The following PCBP3 variants were observed in gnomAD, a reference collection of about 807,000 sequenced individuals.
PCBP3 encodes poly(rC)-binding protein 3.
Under a neutral mutation model 52.7 loss-of-function variants are expected in PCBP3, and 25 were observed. The observed-to-expected ratio is 0.47, with a 90% CI of 0.35 to 0.66. The LOEUF (loss-of-function observed/expected upper bound fraction) is 0.66, where lower values mean the gene tolerates loss of function less well. PCBP3 is among the 30% of genes least tolerant of loss of function. The pLI, the probability that PCBP3 is intolerant of heterozygous loss-of-function variation, is 0.01. For missense variants in PCBP3, 391 were observed against 490.3 expected, an observed-to-expected ratio of 0.80 and a Z score of 1.91; for synonymous variants, 162 against 183.0, an observed-to-expected ratio of 0.89 and a Z score of 0.93.
chr21:45,859,834 G>A (rs944325514), intron 5 of PCBP3: 15 of 152,382 alleles, frequency 9.8e-5, no homozygotes, highest in African/African-American at 3.6e-4. Flanking sequence ...GTCAGCTGAG[G>A]AAGCAGGGCA....
chr21:45,646,083 TTC>T (rs1164554233), intron 1 of PCBP3, among the ~76,000 whole-genome samples: 26 of 99,614 alleles, frequency 2.6e-4, no homozygotes, highest in African/African-American at 8.1e-4. Flanking sequence ...CTCTCTCTCT[TTC>T]TCTCTCTCTC....
At chr21:45,683,905 G>A (rs969941567) in intron 2 of PCBP3, among the ~76,000 whole-genome samples, 4 of 151,416 alleles carry the variant, frequency 2.6e-5, no homozygotes, top group African/African-American at 4.9e-5. Context: ...CAGCCTGGGC[G>A]ACAGCGAGAC....
chr21:45,840,276 C>A (rs142007316), intron 4 of PCBP3, among the ~76,000 whole-genome samples: 2,846 of 151,248 alleles, frequency 0.019, 86 homozygotes, highest in African/African-American at 0.065. Flanking sequence ...CATGGTGAAA[C>A]CCTGTCTCTA....
intron 4 of PCBP3, among the ~76,000 whole-genome samples, chr21:45,812,396 C>T (rs2092707653): frequency 6.6e-6 from 1 of 152,148 alleles, no homozygotes; most frequent in Non-Finnish European, 1.5e-5. Context: ...TGAAAATTTT[C>T]CCTTAACATT....
intron 2 of PCBP3, among the ~76,000 whole-genome samples, chr21:45,686,207 C>T (rs986778416): frequency 3.3e-5 from 5 of 152,108 alleles, no homozygotes; most frequent in East Asian, 1.9e-4. Context: ...TGTGAACCAC[C>T]GTGCCTGGCC....
intron 5 of PCBP3, among the ~76,000 whole-genome samples, chr21:45,862,255 A>G (rs2094540401): frequency 6.6e-6 from 1 of 152,176 alleles, no homozygotes; most frequent in African/African-American, 2.4e-5. Context: ...TAACAATTCA[A>G]AATACCTGGA....
intron 2 of PCBP3, among the ~76,000 whole-genome samples, chr21:45,675,101 G>A (rs1350717918): frequency 1.3e-5 from 2 of 152,212 alleles, no homozygotes; most frequent in African/African-American, 4.8e-5. Flanking sequence ...CCCACCTGAA[G>A]AACAGAGCAT....
chr21:45,648,762 A>G (rs2079491165), intron 1 of PCBP3, among the ~76,000 whole-genome samples: 1 of 152,158 alleles, frequency 6.6e-6, no homozygotes, highest in Non-Finnish European at 1.5e-5. Context: ...AGGATTTTCT[A>G]CCCATACTTT....
At chr21:45,940,925 G>C (rs138415925) in intron 17 of PCBP3, among the ~76,000 whole-genome samples, 1 of 152,126 alleles carries the variant, frequency 6.6e-6, no homozygotes, top group Non-Finnish European at 1.5e-5. Flanking sequence ...GGGATGGGAC[G>C]GGACGGGATG....
intron 14 of PCBP3, 151 bp downstream of exon 14, chr21:45,930,146 G>A (rs772203620): frequency 1.9e-6 from 1 of 534,858 alleles, no homozygotes; most frequent in Non-Finnish European, 3.3e-6. Flanking sequence ...GGCTTGCTGG[G>A]GCTGGGGCCG....
At chr21:45,907,737 T>C (rs943673256) in intron 9 of PCBP3, among the ~76,000 whole-genome samples, 12 of 151,764 alleles carry the variant, frequency 7.9e-5, no homozygotes, top group African/African-American at 2.9e-4. Flanking sequence ...CTTCTGGAGT[T>C]GCCTATTCGC....
chr21:45,770,304 T>G, intron 4 of PCBP3, among the ~76,000 whole-genome samples: 1 of 152,322 alleles, frequency 6.6e-6, no homozygotes, highest in East Asian at 1.9e-4. Flanking sequence ...CAAATATAAT[T>G]TTTTATTCAT....
At chr21:45,870,023 CTTTATT>C (rs2094935580) in intron 5 of PCBP3, among the ~76,000 whole-genome samples, 1 of 151,840 alleles carries the variant, frequency 6.6e-6, no homozygotes, top group Admixed American at 6.6e-5. Flanking sequence ...TCTAAGTTAT[CTTTATT>C]TTTATTGAAT....
chr21:45,790,286 T>C (rs1166353165), intron 4 of PCBP3, among the ~76,000 whole-genome samples: 5 of 152,070 alleles, frequency 3.3e-5, no homozygotes, highest in African/African-American at 1.2e-4. Flanking sequence ...GGTAGGACCT[T>C]CAAACAGAGT....
At chr21:45,920,470 A>G (rs1475516040) in intron 13 of PCBP3, among the ~76,000 whole-genome samples, 2 of 152,252 alleles carry the variant, frequency 1.3e-5, no homozygotes, top group Non-Finnish European at 2.9e-5. Flanking sequence ...ATGTATAACT[A>G]ACTGTTAAGA....
chr21:45,756,627 G>A (rs551223710), intron 4 of PCBP3, among the ~76,000 whole-genome samples: 8 of 152,208 alleles, frequency 5.3e-5, no homozygotes, highest in South Asian at 4.2e-4. Context: ...ATTCGCTAGC[G>A]TGTACAGCCA....
chr21:45,646,053 T>TTCTCTCTC (rs10682556), intron 1 of PCBP3, among the ~76,000 whole-genome samples: 5 of 71,452 alleles, frequency 7.0e-5, no homozygotes, highest in African/African-American at 1.4e-4. Flanking sequence ...TGTCACCTGT[T>TTCTCTCTC]TCTCTCTCTC....
At chr21:45,652,352 T>C (rs564175577) in intron 1 of PCBP3, among the ~76,000 whole-genome samples, 85 of 152,250 alleles carry the variant, frequency 5.6e-4, no homozygotes, top group African/African-American at 1.8e-3. Flanking sequence ...AATAAAATCT[T>C]GATAATTCTA....
chr21:45,879,020 C>T (rs1246061765), intron 5 of PCBP3, among the ~76,000 whole-genome samples: 2 of 152,210 alleles, frequency 1.3e-5, no homozygotes, highest in African/African-American at 4.8e-5. Flanking sequence ...GGGTCTCACT[C>T]TGTCACCCAG....
Sources: allele counts gnomAD v4.1 joint callset (sites outside exome capture counted in the v4.1 genomes callset), GRCh38; gene constraint gnomAD v4.1.1; transcripts MANE v1.5; gene names NCBI Gene and HGNC (gene_info 2026-07-23, HGNC 2026-07-21).